FANCC: variants seen among roughly 807,000 people sequenced by gnomAD.
FANCC encodes Fanconi anemia group C protein.
In FANCC, 55 loss-of-function variants were observed where a neutral mutation model predicts 71.3. The observed-to-expected ratio is 0.77, with a 90% CI of 0.62 to 0.97. FANCC has a LOEUF of 0.97. Among genes scored for constraint, FANCC ranks in the 50% least tolerant of loss-of-function variants. The pLI, the probability that FANCC is intolerant of heterozygous loss-of-function variation, is 0.00. For missense variants in FANCC, 678 were observed against 670.9 expected, an observed-to-expected ratio of 1.01 and a Z score of -0.12; for synonymous variants, 275 against 244.9, an observed-to-expected ratio of 1.12 and a Z score of -1.15.
chr9:95,139,336 G>A (rs1281288872), intron 7 of FANCC, among the ~76,000 whole-genome samples: 2 of 152,198 alleles, frequency 1.3e-5, no homozygotes, highest in African/African-American at 4.8e-5. Flanking sequence ...CAGGCAGGCA[G>A]GCACTGGCTT....
chr9:95,182,443 C>T (rs1013635478), intron 4 of FANCC, among the ~76,000 whole-genome samples: 1 of 152,160 alleles, frequency 6.6e-6, no homozygotes, highest in African/African-American at 2.4e-5. Flanking sequence ...TGGCGTGAAC[C>T]CAGGAGGCGG....
intron 12 of FANCC, chr9:95,113,906 G>C (rs2072175873): frequency 6.5e-6 from 1 of 153,496 alleles, no homozygotes. Context: ...ACAGGTGTGA[G>C]CCACCGCGCC....
chr9:95,274,507 G>A (rs776171218), intron 1 of FANCC, among the ~76,000 whole-genome samples: 5 of 152,150 alleles, frequency 3.3e-5, no homozygotes, highest in Non-Finnish European at 7.4e-5. Context: ...TGTCTTTATA[G>A]TAGAATGATT....
chr9:95,299,950 T>G (rs1388462808), intron 1 of FANCC, among the ~76,000 whole-genome samples: 1 of 152,162 alleles, frequency 6.6e-6, no homozygotes, highest in Non-Finnish European at 1.5e-5. Context: ...TATCCATCAT[T>G]GACTGGCAAT....
chr9:95,240,204 T>TC (rs1452626165), intron 4 of FANCC, among the ~76,000 whole-genome samples: 11 of 152,148 alleles, frequency 7.2e-5, no homozygotes, highest in Non-Finnish European at 1.3e-4. Context: ...GGCACCAACT[T>TC]CGGGACACAA....
rs1447782695 is a variant in FANCC at position 95,100,141 on chromosome 9, C to A, written c.*1566G>T. The A allele has an allele frequency of 4.3e-6, 1 of 232,646 alleles. No individual in the cohort carries two copies. The highest frequency in any genetic ancestry group is 8.5e-6 in the Non-Finnish European group (1 of 117,750). The allele number at this position is 232,646 out of a possible 1,614,324, so 14.4% of individuals were successfully genotyped here. ...TGAAGCATGCAGCTCCTTTTTCAAC[C>A]CCAACACCTCTGACGAAGCATGTTT... On this transcript the variant is annotated 3_prime_UTR_variant, in exon 15 of 15. Coordinates refer to ENST00000289081, the MANE Select transcript of FANCC (RefSeq NM_000136.3).
intron 1 of FANCC, among the ~76,000 whole-genome samples, chr9:95,275,868 A>G (rs1833004718): frequency 6.6e-6 from 1 of 152,176 alleles, no homozygotes; most frequent in Non-Finnish European, 1.5e-5. Context: ...AAGAAAAAAA[A>G]GAATGCAAAC....
chr9:95,285,386 T>C (rs1483665855), intron 1 of FANCC, among the ~76,000 whole-genome samples: 1 of 152,218 alleles, frequency 6.6e-6, no homozygotes, highest in Non-Finnish European at 1.5e-5. Context: ...ATGTACTTTT[T>C]GTATATCACA....
At chr9:95,292,000 C>T (rs1366844360) in intron 1 of FANCC, among the ~76,000 whole-genome samples, 6 of 114,560 alleles carry the variant, frequency 5.2e-5, no homozygotes, top group African/African-American at 2.0e-4. Flanking sequence ...ATATTAAGAC[C>T]CCAAAGAGCC....
At chr9:95,149,484 T>A (rs964781816) in intron 7 of FANCC, among the ~76,000 whole-genome samples, 6 of 147,470 alleles carry the variant, frequency 4.1e-5, no homozygotes, top group Non-Finnish European at 9.0e-5. Context: ...CCTCAGTAAT[T>A]TTTTTTTTTT....
chr9:95,316,766 T>A (rs1159210473), intron 1 of FANCC: 1 of 152,212 alleles, frequency 6.6e-6, no homozygotes, highest in Non-Finnish European at 1.5e-5. Flanking sequence ...CATAAGATCA[T>A]AGAGGGTTCG....
In FANCC at chr9:95,101,761, A is replaced by C. The variant is rs375362894; in HGVS notation, c.1623T>G (p.Pro541=). 8.7e-6 allele frequency: 14 copies of C among 1,614,146 alleles called. No individual in the cohort carries two copies. In the African/African-American group the frequency reaches 1.6e-4, roughly 18 times the overall value. Residue 541 remains proline (P), a synonymous_variant, in exon 15 of 15, where the codon CCT becomes CCG. Coordinates refer to ENST00000289081, the MANE Select transcript of FANCC (RefSeq NM_000136.3). ...YRWNRLGIES[P]RSEKLARELL... ...GCTCTCGGGCCAGTTTTTCTGATCT[A>C]GGGCTTTCAATGCCAAGACGATTCC... is the stretch of plus-strand genomic sequence containing the variant.
At chr9:95,249,025 C>G in intron 2 of FANCC, 102 bp downstream of exon 2, 6 of 1,253,224 alleles carry the variant, frequency 4.8e-6, no homozygotes, top group Non-Finnish European at 4.6e-6. Context: ...GCACTTCAGT[C>G]AATACCACAA....
At chr9:95,193,232 C>T (rs980893782) in intron 4 of FANCC, among the ~76,000 whole-genome samples, 11 of 152,288 alleles carry the variant, frequency 7.2e-5, no homozygotes, top group Middle Eastern at 3.4e-3. Flanking sequence ...GGGCGCTACT[C>T]CAAAGACTAA....
chr9:95,268,930 C>T (rs941775791), intron 1 of FANCC, among the ~76,000 whole-genome samples: 1 of 152,184 alleles, frequency 6.6e-6, no homozygotes, highest in African/African-American at 2.4e-5. Context: ...AAAGCCGATG[C>T]TATGCTATAG....
intron 1 of FANCC, among the ~76,000 whole-genome samples, chr9:95,251,282 G>C (rs1176647923): frequency 6.6e-6 from 1 of 152,108 alleles, no homozygotes; most frequent in Non-Finnish European, 1.5e-5. Flanking sequence ...ACAGCAAAAC[G>C]CTTCTCCAGA....
intron 4 of FANCC, among the ~76,000 whole-genome samples, chr9:95,184,043 G>A (rs907371619): frequency 1.3e-5 from 2 of 151,898 alleles, no homozygotes; most frequent in Non-Finnish European, 2.9e-5. Context: ...CTACCATGTC[G>A]AATACCTGGA....
chr9:95,179,971 G>T (rs113624009), intron 4 of FANCC, among the ~76,000 whole-genome samples: 4,288 of 152,296 alleles, frequency 0.028, 97 homozygotes, highest in Admixed American at 0.042. Context: ...GAGGAAGAAG[G>T]AAGAAAGTGG....
intron 4 of FANCC, among the ~76,000 whole-genome samples, chr9:95,214,885 A>G (rs1828757858): frequency 6.6e-6 from 1 of 152,234 alleles, no homozygotes; most frequent in South Asian, 2.1e-4. Flanking sequence ...CTGTTTCACA[A>G]TATGAAAAGA....
Sources: allele counts gnomAD v4.1 joint callset (sites outside exome capture counted in the v4.1 genomes callset), GRCh38; gene constraint gnomAD v4.1.1; transcripts MANE v1.5; gene names NCBI Gene and HGNC (gene_info 2026-07-23, HGNC 2026-07-21).